EIPR1: variants seen among roughly 807,000 people sequenced by gnomAD.
EIPR1 encodes EARP complex and GARP complex interacting protein 1, also known as EARP and GARP complex-interacting protein 1.
A neutral mutation model predicts 48.1 loss-of-function variants in EIPR1; 25 were observed. That is an observed-to-expected ratio of 0.52 (90% confidence interval 0.38 to 0.73). The LOEUF (loss-of-function observed/expected upper bound fraction) is 0.73. EIPR1 is among the 30% of genes least tolerant of loss of function. The pLI, the probability that EIPR1 is intolerant of heterozygous loss-of-function variation, is 0.00. For missense variants in EIPR1, 415 were observed against 506.2 expected (o/e 0.82, Z 1.73); for synonymous variants, 204 against 201.9 (o/e 1.01, Z -0.09).
intron 3 of EIPR1, among the ~76,000 whole-genome samples, chr2:3,290,487 T>C (rs1160603063): frequency 6.6e-6 from 1 of 152,192 alleles, no homozygotes; most frequent in East Asian, 1.9e-4. Flanking sequence ...AAAAATCTTC[T>C]CCCTGAAGAA....
intron 4 of EIPR1, among the ~76,000 whole-genome samples, chr2:3,249,335 T>C (rs1387596017): frequency 6.6e-6 from 1 of 152,218 alleles, no homozygotes; most frequent in Non-Finnish European, 1.5e-5. Context: ...TTGTGTCCAT[T>C]CCCTGGGAAT....
intron 4 of EIPR1, among the ~76,000 whole-genome samples, chr2:3,253,754 G>A (rs1226120251): frequency 1.3e-5 from 2 of 152,194 alleles, no homozygotes. Context: ...AGCTAAAGGC[G>A]ACTGGTGGGG....
chr2:3,208,527 G>A, intron 5 of EIPR1: 3 of 1,546,090 alleles, frequency 1.9e-6, no homozygotes, highest in Non-Finnish European at 2.6e-6. Context: ...TGATTAAAAG[G>A]ACTACTTAAA....
intron 3 of EIPR1, among the ~76,000 whole-genome samples, chr2:3,299,650 A>ACG (rs2103291490): frequency 6.6e-6 from 1 of 151,670 alleles, no homozygotes; most frequent in South Asian, 2.1e-4. Context: ...ACACACACAC[A>ACG]CACACACACT....
At chr2:3,297,474 C>A (rs1366167710) in intron 3 of EIPR1, among the ~76,000 whole-genome samples, 1 of 152,236 alleles carries the variant, frequency 6.6e-6, no homozygotes, top group Non-Finnish European at 1.5e-5. Flanking sequence ...GTCCCTTCTA[C>A]AACGGAGTTC....
rs1461423247 is a variant in EIPR1 at position 3,295,936 on chromosome 2, G to GTATA, written c.260-38482_260-38481insTATA. Among the ~76,000 whole-genome samples the GTATA allele has an allele frequency of 1.9e-3, 73 of 37,878 alleles. 1 individual carries two copies. In the East Asian group the frequency reaches 0.049, roughly 26 times the overall value. 24.8% of individuals were successfully genotyped at this position (37,878 alleles called of 152,430 possible). On this transcript the variant is annotated intron_variant, in intron 3 of 8. Coordinates refer to ENST00000382125, the MANE Select transcript of EIPR1 (RefSeq NM_003310.5). ...CCTCCATCCAGCCCATCCTCTCCTT[G>GTATA]CACACACACACCCTCCATCCAGCCC...
intron 3 of EIPR1, chr2:3,261,602 A>G (rs1204307262): frequency 6.6e-6 from 1 of 152,306 alleles, no homozygotes; most frequent in Non-Finnish European, 1.5e-5. Context: ...AGGTCTGCTG[A>G]ACACAAAGAC....
At chr2:3,226,897 A>G (rs1305378380) in intron 4 of EIPR1, among the ~76,000 whole-genome samples, 5 of 152,228 alleles carry the variant, frequency 3.3e-5, no homozygotes, top group Admixed American at 2.0e-4. Context: ...GCCTGCTGCC[A>G]TGTAAGACAT....
At chr2:3,294,541 CG>C (rs1668472250) in intron 3 of EIPR1, among the ~76,000 whole-genome samples, 2 of 139,824 alleles carry the variant, frequency 1.4e-5, no homozygotes, top group Non-Finnish European at 3.1e-5. Context: ...TCCATCCAGC[CG>C]ATCCTCTCTA....
At chr2:3,278,116 C>T (rs772758410) in intron 3 of EIPR1, among the ~76,000 whole-genome samples, 29 of 152,018 alleles carry the variant, frequency 1.9e-4, no homozygotes, top group Non-Finnish European at 3.8e-4. Context: ...CCACCACCGT[C>T]CCCAGGCTCA....
chr2:3,341,504 G>T (rs1323169202), intron 2 of EIPR1, among the ~76,000 whole-genome samples: 1 of 152,122 alleles, frequency 6.6e-6, no homozygotes, highest in Non-Finnish European at 1.5e-5. Flanking sequence ...CGTGGTCTAT[G>T]CATGTATGTG....
Position 3,199,060 on chromosome 2 carries a change from GGCC to G in EIPR1, c.517-2046_517-2044del, listed in dbSNP as rs1430741907. ...CACCCCCAGAGTGGCCATTTTAGAG[GGCC>G]CCCCCCCCGCCCCGGGAATGCATTC... On this transcript the variant is annotated intron_variant, in intron 5 of 8. Transcript: ENST00000382125. 2.1e-4 allele frequency among the ~76,000 whole-genome samples: 5 copies of G among 23,342 alleles called. 1 individual carries two copies. The highest frequency in any genetic ancestry group is 5.0e-4 in the Non-Finnish European group (5 of 10,082). 15.3% of individuals were successfully genotyped at this position (23,342 alleles called of 152,430 possible). A position where few individuals can be genotyped will look rare whatever the true frequency, so the allele number is the denominator to read the frequency against.
rs992687480 is a variant in EIPR1, at chr2:3,233,169, C to T, written c.417-18921G>A. Among the ~76,000 whole-genome samples the T allele has an allele frequency of 2.6e-5, 4 of 152,168 alleles. No individual in the cohort carries two copies. The South Asian group carries it at 8.3e-4, about 32-fold the overall frequency. On this transcript the variant is annotated intron_variant, in intron 4 of 8. Transcript: ENST00000382125. The stretch of plus-strand genomic sequence containing the variant: ...ATAATACAATCATAATCATTACTTA[C>T]AAACATGTGATCAGGCTATTAATGT...
At chr2:3,278,850 G>A (rs1272105325) in intron 3 of EIPR1, among the ~76,000 whole-genome samples, 15 of 152,180 alleles carry the variant, frequency 9.9e-5, no homozygotes, top group Non-Finnish European at 4.4e-5. Context: ...GCAGGGAGGA[G>A]GTCACGGGGG....
At chr2:3,275,889 G>T (rs1432277483) in intron 3 of EIPR1, among the ~76,000 whole-genome samples, 1 of 152,160 alleles carries the variant, frequency 6.6e-6, no homozygotes, top group Non-Finnish European at 1.5e-5. Context: ...GGAGAAAATT[G>T]CTACCATGAC....
At chr2:3,248,370 G>C (rs1037482296) in intron 4 of EIPR1, among the ~76,000 whole-genome samples, 1 of 152,210 alleles carries the variant, frequency 6.6e-6, no homozygotes, top group Non-Finnish European at 1.5e-5. Flanking sequence ...AAGGCGGGTG[G>C]ATCACCTGAG....
intron 3 of EIPR1, among the ~76,000 whole-genome samples, chr2:3,336,595 C>T (rs989829872): frequency 6.6e-6 from 1 of 152,064 alleles, no homozygotes; most frequent in Non-Finnish European, 1.5e-5. Context: ...TGGTGAAACC[C>T]CATCTCTGCT....
At chr2:3,233,797 A>G (rs528526983) in intron 4 of EIPR1, among the ~76,000 whole-genome samples, 61 of 152,336 alleles carry the variant, frequency 4.0e-4, no homozygotes, top group African/African-American at 1.4e-3. Flanking sequence ...CAGTGAGCTG[A>G]GGCCTAAGTG....
At chr2:3,256,435 C>T (rs1667159035) in intron 4 of EIPR1, among the ~76,000 whole-genome samples, 1 of 152,140 alleles carries the variant, frequency 6.6e-6, no homozygotes, top group South Asian at 2.1e-4. Context: ...GAGGCCGGGC[C>T]CTCTAACTTG....
Sources: gnomAD v4.1 joint callset for allele counts (sites outside exome capture counted in the v4.1 genomes callset) on GRCh38, gnomAD v4.1.1 for gene constraint, MANE v1.5 for transcripts, NCBI Gene and HGNC (gene_info 2026-07-23, HGNC 2026-07-21) for gene names.